Variants in FNBP4 observed in about 807,000 individuals in gnomAD.
The protein encoded by FNBP4 is formin binding protein 4.
A neutral mutation model predicts 119.3 loss-of-function variants in FNBP4; 34 were observed. That is an observed-to-expected ratio of 0.28 (90% confidence interval 0.22 to 0.38). The LOEUF is 0.38. Ranked by LOEUF, FNBP4 falls within the 10% of genes least tolerant of loss-of-function variation. The pLI is 1.00. For missense variants in FNBP4, 1,112 were observed against 1,228.9 expected (o/e 0.90, Z 1.42); for synonymous variants, 462 against 430.6 (o/e 1.07, Z -0.90).
At chr11:47,764,412 T>A (rs1470624405) in intron 2 of FNBP4, among the ~76,000 whole-genome samples, 1 of 152,142 alleles carries the variant, frequency 6.6e-6, no homozygotes, top group Admixed American at 6.6e-5. Context: ...GAGTGTTAAG[T>A]CTCAAATGAA....
At chr11:47,748,515 C>T (rs908778059) in intron 6 of FNBP4, among the ~76,000 whole-genome samples, 2 of 151,958 alleles carry the variant, frequency 1.3e-5, no homozygotes, top group Non-Finnish European at 2.9e-5. Context: ...GCTGGGACTA[C>T]AGGTGTGTGC....
intron 1 of FNBP4, among the ~76,000 whole-genome samples, chr11:47,765,928 C>T (rs947219557): frequency 7.6e-6 from 1 of 131,602 alleles, no homozygotes; most frequent in Non-Finnish European, 1.5e-5. Flanking sequence ...TCGAGTAATC[C>T]GCCTACCTCG....
Position 47,722,885 on chromosome 11 carries a change from C to T in FNBP4, c.2805+91G>A, listed in dbSNP as rs1413399715. ...GGATTACAGGCTTAAGCCACAGTGCCCAGCCTGAAAATGGATAATTTCATG... is the reference window on the plus strand; with the variant it reads ...GGATTACAGGCTTAAGCCACAGTGCTCAGCCTGAAAATGGATAATTTCATG... On this transcript the variant is annotated intron_variant, in intron 15 of 16. Transcript: ENST00000263773. 5.8e-6 allele frequency: 8 copies of T among 1,375,614 alleles called. No individual in the cohort carries two copies. The East Asian group carries it at 2.0e-4, about 35-fold the overall frequency. The allele number at this position is 1,375,614 out of a possible 1,614,324, so 85.2% of individuals were successfully genotyped here.
chr11:47,759,687 T>TC (rs1447728558), intron 2 of FNBP4, among the ~76,000 whole-genome samples: 1 of 151,934 alleles, frequency 6.6e-6, no homozygotes, highest in Non-Finnish European at 1.5e-5. Flanking sequence ...GCACGGTGGC[T>TC]CATGCCTGTA....
At chr11:47,737,342 C>G (rs2097575640) in intron 8 of FNBP4, among the ~76,000 whole-genome samples, 1 of 152,168 alleles carries the variant, frequency 6.6e-6, no homozygotes, top group Non-Finnish European at 1.5e-5. Flanking sequence ...TCCAGAATAC[C>G]ACTGCTTCAA....
At chr11:47,724,305 C>T (rs1216331130) in intron 13 of FNBP4, 133 bp from the exon 14 acceptor site, 1 of 1,511,316 alleles carries the variant, frequency 6.6e-7, no homozygotes, top group East Asian at 2.3e-5. Flanking sequence ...TCATTGCAGC[C>T]TCCTGGGCTT....
intron 2 of FNBP4, among the ~76,000 whole-genome samples, chr11:47,762,758 A>G (rs901527547): frequency 2.0e-5 from 3 of 151,688 alleles, no homozygotes; most frequent in Admixed American, 6.6e-5. Flanking sequence ...GAAAATACAA[A>G]AATTAGCTGG....
chr11:47,764,427 C>A (rs1033346377), intron 2 of FNBP4, among the ~76,000 whole-genome samples: 1 of 152,042 alleles, frequency 6.6e-6, no homozygotes, highest in Non-Finnish European at 1.5e-5. Context: ...AATGAAATAA[C>A]ATATGCAGTT....
chr11:47,724,355 A>G, intron 13 of FNBP4, 113 bp downstream of exon 13: 3 of 1,569,110 alleles, frequency 1.9e-6, no homozygotes, highest in Non-Finnish European at 2.6e-6. Context: ...GGTCTAGGAT[A>G]TAGGCGTGAG....
At chr11:47,751,873 G>A (rs756293090) in intron 4 of FNBP4, among the ~76,000 whole-genome samples, 33 of 151,840 alleles carry the variant, frequency 2.2e-4, no homozygotes, top group Non-Finnish European at 4.3e-4. Flanking sequence ...GCTTGAACTC[G>A]GGAGGCAAAG....
intron 6 of FNBP4, among the ~76,000 whole-genome samples, chr11:47,748,979 C>T (rs1168045835): frequency 2.0e-5 from 3 of 151,920 alleles, no homozygotes; most frequent in Non-Finnish European, 4.4e-5. Context: ...TTTTTTTGGG[C>T]TACATGCAGT....
At chr11:47,759,032 C>T (rs570922320) in intron 2 of FNBP4, among the ~76,000 whole-genome samples, 9 of 151,378 alleles carry the variant, frequency 5.9e-5, no homozygotes, top group Admixed American at 4.0e-4. Flanking sequence ...GATTCTCTTG[C>T]CTCAGCCTCC....
intron 2 of FNBP4, among the ~76,000 whole-genome samples, chr11:47,759,109 G>A (rs906643754): frequency 2.6e-5 from 4 of 151,854 alleles, no homozygotes; most frequent in Admixed American, 1.3e-4. Flanking sequence ...TAGTAGAGAC[G>A]GGGTTTCACC....
At chr11:47,722,523 C>T (rs2097557011) in intron 15 of FNBP4, among the ~76,000 whole-genome samples, 1 of 152,120 alleles carries the variant, frequency 6.6e-6, no homozygotes, top group Admixed American at 6.6e-5. Flanking sequence ...ATTCTCCTCC[C>T]AGCACTTGAG....
Position 47,738,082 on chromosome 11 carries a change from G to GGT in FNBP4, c.1457-1343_1457-1342insAC, listed in dbSNP as rs1344506225. ...CAAACCATCTGGTAACTTCCTTCCT[G>GGT]AACTGGTGAAGACCTACAGACATCT... is the stretch of plus-strand genomic sequence containing the variant. On this transcript the variant is annotated intron_variant, in intron 8 of 16. Transcript: ENST00000263773. Among the ~76,000 whole-genome samples, 3 of 152,122 alleles carry GGT rather than the reference G, an allele frequency of 2.0e-5. No homozygotes were observed. In the East Asian group the frequency reaches 5.8e-4, roughly 29 times the overall value.
At chr11:47,725,032 G>A in intron 12 of FNBP4, 1 of 347,698 alleles carries the variant, frequency 2.9e-6, no homozygotes, top group Non-Finnish European at 5.2e-6. Context: ...TCCACGGAAA[G>A]ATAAATTTAT....
At chr11:47,758,607 G>GT (rs1565164412) in intron 2 of FNBP4, among the ~76,000 whole-genome samples, 1 of 151,926 alleles carries the variant, frequency 6.6e-6, no homozygotes, top group African/African-American at 2.4e-5. Flanking sequence ...GCTCATGCCT[G>GT]TAATGCCAGC....
rs962682481 is a variant in FNBP4 at position 47,730,164 on chromosome 11, G to A, written c.2008+1210C>T. Reference sequence around the variant, plus strand: ...AGTGGAGCCACCTATCCAGAACTACGATCAAGCCTCTTCAGTTCATTAACT... The same window carrying A: ...AGTGGAGCCACCTATCCAGAACTACAATCAAGCCTCTTCAGTTCATTAACT... On this transcript the variant is annotated intron_variant, in intron 12 of 16. Coordinates refer to ENST00000263773, the MANE Select transcript of FNBP4 (RefSeq NM_015308.5). 2.5e-5 allele frequency: 25 copies of A among 985,240 alleles called. No individual in the cohort carries two copies. In the African/African-American group the frequency reaches 3.1e-4, roughly 12 times the overall value. 61.0% of individuals were successfully genotyped at this position (985,240 alleles called of 1,614,324 possible).
rs184649050 is a variant in FNBP4, at chr11:47,720,603, C to A, written c.2806-517G>T. Among the ~76,000 whole-genome samples, 904 of 146,808 alleles carry A rather than the reference C, an allele frequency of 6.2e-3. 9 individuals carry two copies. The highest frequency in any genetic ancestry group is 0.022 in the African/African-American group (875 of 40,058). ...AAATAAATAAATAAATAAATAAAAT[C>A]TATAAAGCTTTGTAAATGCGGTATT... is the stretch of plus-strand genomic sequence containing the variant. On this transcript the variant is annotated intron_variant, in intron 15 of 16. Transcript: ENST00000263773.
Sources: allele counts gnomAD v4.1 joint callset (sites outside exome capture counted in the v4.1 genomes callset), GRCh38; gene constraint gnomAD v4.1.1; transcripts MANE v1.5; gene names NCBI Gene and HGNC (gene_info 2026-07-23, HGNC 2026-07-21).